ZER1: variants seen among roughly 807,000 people sequenced by gnomAD.
The protein encoded by ZER1 is zyg-11 related cell cycle regulator.
ZER1 carries 11 observed loss-of-function variants against 78.8 expected under a neutral mutation model. The ratio of observed to expected loss-of-function variants is 0.14; its 90% CI spans 0.09 to 0.23. ZER1 has a LOEUF of 0.23. ZER1 is among the 10% of genes least tolerant of loss of function. The pLI is 1.00. For synonymous variants in ZER1, 400 were observed against 407.0 expected, an observed-to-expected ratio of 0.98 and a Z score of 0.21; for missense variants, 588 against 996.9, an observed-to-expected ratio of 0.59 and a Z score of 5.52.
chr9:128,762,702 C>T (rs926403827), intron 1 of ZER1, among the ~76,000 whole-genome samples: 6 of 152,166 alleles, frequency 3.9e-5, no homozygotes, highest in Admixed American at 1.3e-4. Flanking sequence ...CTCCCAGCTC[C>T]GGGCCTGTGC....
rs2132415432 is a variant in ZER1 at position 128,742,575 on chromosome 9, T to C, written c.1530A>G (p.Val510=). 6.2e-7 allele frequency: 1 copy of C among 1,614,222 alleles called. No individual in the cohort carries two copies. Among genetic ancestry groups the C allele is most frequent in the South Asian group, 1.1e-5 (1 of 91,090 alleles). Residue 510 remains valine (V), a synonymous_variant, in exon 9 of 16, where the codon GTA becomes GTG. Transcript: ENST00000291900. Reference sequence around the variant, plus strand: ...CCACGGCCTCCTTGTGGTCGTTGTCTACCTGGCAGACCAGGGCATTGCACA... The same window carrying C: ...CCACGGCCTCCTTGTGGTCGTTGTCCACCTGGCAGACCAGGGCATTGCACA... ...VHLCNALVCQ[V]DNDHKEAVGK...
Position 128,750,648 on chromosome 9 carries a change from G to T in ZER1, c.1327C>A (p.Leu443Met), listed in dbSNP as rs771631005. Residue 443 changes from leucine (L) to methionine (M), a missense_variant, in exon 8 of 16, where the codon CTG becomes ATG. Physicochemically the swap from Leu to Met is conservative, Grantham distance 15. Coordinates refer to ENST00000291900, the MANE Select transcript of ZER1 (RefSeq NM_006336.4). ...TCCTGGTAGGATTCCATGCCATTCA[G>T]CACCACCTGGATAACCTGCCGGCGC... The part of the protein sequence containing the change: ...KLRRQVIQVV[L>M]NGMESYQEVT... The T allele has an allele frequency of 6.2e-7, 1 of 1,614,092 alleles. No homozygotes were observed. Among genetic ancestry groups the T allele is most frequent in the Non-Finnish European group, 8.5e-7 (1 of 1,180,042 alleles).
At position 128,731,171 on chromosome 9, in the gene ZER1, A is replaced by G; in HGVS notation, c.*166T>C. On this transcript the variant is annotated 3_prime_UTR_variant, in exon 16 of 16. Transcript: ENST00000291900. ...AAAAAAATATATATATATAATATAT[A>G]TATATCTCACTAACATTAAGGAAAA... The G allele has an allele frequency of 2.7e-6, 1 of 364,686 alleles. No homozygotes were observed. The allele number at this position is 364,686 out of a possible 1,614,324, so 22.6% of individuals were successfully genotyped here.
intron 1 of ZER1, among the ~76,000 whole-genome samples, chr9:128,758,869 G>C (rs1007794193): frequency 2.6e-5 from 4 of 152,162 alleles, no homozygotes; most frequent in Admixed American, 6.6e-5. Flanking sequence ...CCGGGGAGGT[G>C]ATTGGAAGGG....
rs749017137 is a variant in ZER1 at position 128,755,381 on chromosome 9, C to A, written c.158+27G>T. ...ATACACATTCATGGTAAGACCCCTG[C>A]CCCTCCTCAGCCCTGGGTCTGCTCA... On this transcript the variant is annotated intron_variant, in intron 2 of 15. Transcript: ENST00000291900. This position sits in a 1 kb window ranked among gnomAD's most constrained non-coding sequence, Gnocchi z 5.6. The A allele has an allele frequency of 3.7e-6, 6 of 1,612,530 alleles. No homozygotes were observed. The African/African-American group carries it at 8.0e-5, about 22-fold the overall frequency.
intron 1 of ZER1, among the ~76,000 whole-genome samples, chr9:128,764,191 C>T (rs550055762): frequency 2.0e-5 from 3 of 152,232 alleles, no homozygotes; most frequent in African/African-American, 7.2e-5. Context: ...ACTGAACACT[C>T]AATGTGGGGC....
chr9:128,748,423 A>T (rs1863569146), intron 8 of ZER1, among the ~76,000 whole-genome samples: 1 of 130,930 alleles, frequency 7.6e-6, no homozygotes, highest in Non-Finnish European at 1.6e-5. Flanking sequence ...AAAAAAAATT[A>T]GTTGGGTGTG....
Position 128,753,850 on chromosome 9 carries a change from C to T in ZER1, c.268G>A (p.Asp90Asn). 4 of 1,603,242 alleles carry T rather than the reference C, an allele frequency of 2.5e-6. No individual in the cohort carries two copies. Among genetic ancestry groups the T allele is most frequent in the East Asian group, 2.3e-5 (1 of 44,440 alleles). The part of the protein sequence containing the change: ...TRLTRIHLRE[D>N]LVQDQDLEAI... The stretch of plus-strand genomic sequence containing the variant: ...TCCAGGTCCTGGTCCTGCACCAGGT[C>T]CTCACGGAGGTGGATCCGCGTGAGG... Residue 90 changes from aspartate to asparagine, a missense_variant, in exon 3 of 16, where the codon GAC becomes AAC. By Grantham distance (23) the Asp-to-Asn change is conservative. Transcript: ENST00000291900. The surrounding 1 kb of genome is among the most constrained non-coding windows in gnomAD (Gnocchi z 7.5).
intron 8 of ZER1, among the ~76,000 whole-genome samples, chr9:128,747,066 G>T (rs1043952939): frequency 6.6e-6 from 1 of 151,958 alleles, no homozygotes; most frequent in Non-Finnish European, 1.5e-5. Flanking sequence ...AGGCGTGGTG[G>T]CATGCTCCTG....
chr9:128,754,579 C>A lies in ZER1; in HGVS notation c.159-620G>T, dbSNP rs1028694979. Among the ~76,000 whole-genome samples, 1 of 152,158 alleles carries A rather than the reference C, an allele frequency of 6.6e-6. No homozygotes were observed. The highest frequency in any genetic ancestry group is 2.1e-4 in the South Asian group (1 of 4,828). ...CAAAGTGTCCAACCTAAAGCCTGAC[C>A]CACGGTAAATGCTCAGGACGTTATT... On this transcript the variant is annotated intron_variant, in intron 2 of 15. Transcript: ENST00000291900. The surrounding 1 kb of genome is among the most constrained non-coding windows in gnomAD (Gnocchi z 4.3).
chr9:128,769,754 G>C (rs1864326245), intron 1 of ZER1, among the ~76,000 whole-genome samples: 1 of 152,048 alleles, frequency 6.6e-6, no homozygotes, highest in African/African-American at 2.4e-5. Flanking sequence ...AAGGTCCCGT[G>C]CCCACCTTCT....
intron 13 of ZER1, among the ~76,000 whole-genome samples, chr9:128,739,723 T>C (rs1319943532): frequency 6.6e-6 from 1 of 152,032 alleles, no homozygotes; most frequent in Non-Finnish European, 1.5e-5. Context: ...TTGGCATGTA[T>C]GACAAATGCT....
chr9:128,739,850 C>A, intron 13 of ZER1, 81 bp downstream of exon 13: 1 of 1,507,902 alleles, frequency 6.6e-7, no homozygotes, highest in Non-Finnish European at 9.0e-7. Flanking sequence ...GAGCTCTGAG[C>A]AGACCTTAAT....
chr9:128,746,985 TAGG>T (rs542250690), intron 8 of ZER1, among the ~76,000 whole-genome samples: 65 of 151,998 alleles, frequency 4.3e-4, no homozygotes, highest in African/African-American at 1.5e-3. Context: ...CACTTGAGGC[TAGG>T]AGGAGTTCCA....
chr9:128,742,584 G>A lies in ZER1; in HGVS notation c.1521C>T (p.Val507=). Residue 507 remains valine, a synonymous_variant, in exon 9 of 16, where the codon GTC becomes GTT. Transcript: ENST00000291900. ...CCTTGTGGTCGTTGTCTACCTGGCA[G>A]ACCAGGGCATTGCACAGGTGCACGG... ...RIAVHLCNAL[V]CQVDNDHKEA... is the part of the protein sequence containing the mutation. The A allele has an allele frequency of 6.2e-7, 1 of 1,614,244 alleles. No homozygotes were observed. The highest frequency in any genetic ancestry group is 1.1e-5 in the South Asian group (1 of 91,088).
At chr9:128,769,167 T>C (rs1864307826) in intron 1 of ZER1, among the ~76,000 whole-genome samples, 1 of 152,204 alleles carries the variant, frequency 6.6e-6, no homozygotes. Flanking sequence ...GTTTCTGTCT[T>C]GCTTTCCCCA....
At position 128,755,322 on chromosome 9, in the gene ZER1, C is replaced by A; in HGVS notation, c.158+86G>T. The A allele has an allele frequency of 1.3e-6, 2 of 1,557,022 alleles. No individual in the cohort carries two copies. The highest frequency in any genetic ancestry group is 1.8e-6 in the Non-Finnish European group (2 of 1,137,894). ...TCACACATTCATCTCCATAGCTACT[C>A]CCCACATAGTGCACACACGGTCCCA... is the stretch of plus-strand genomic sequence containing the variant. On this transcript the variant is annotated intron_variant, in intron 2 of 15. Coordinates refer to ENST00000291900, the MANE Select transcript of ZER1 (RefSeq NM_006336.4). This position sits in a 1 kb window ranked among gnomAD's most constrained non-coding sequence, Gnocchi z 5.6.
In ZER1 at chr9:128,751,019, C is replaced by T; in HGVS notation, c.1185+103G>A. 2.0e-6 allele frequency: 3 copies of T among 1,475,554 alleles called. No homozygotes were observed. The highest frequency in any genetic ancestry group is 2.7e-6 in the Non-Finnish European group (3 of 1,113,700). 91.4% of individuals were successfully genotyped at this position (1,475,554 alleles called of 1,614,324 possible). A position where few individuals can be genotyped will look rare whatever the true frequency, so the allele number is the denominator to read the frequency against. Reference sequence around the variant, plus strand: ...GGTTCGGGTCCTGGGGCCCTGGGGACAGGGTGCAGAAGGACACAGGCTCTG... The same window carrying T: ...GGTTCGGGTCCTGGGGCCCTGGGGATAGGGTGCAGAAGGACACAGGCTCTG... On this transcript the variant is annotated intron_variant, in intron 7 of 15. Transcript: ENST00000291900. This position sits in a 1 kb window ranked among gnomAD's most constrained non-coding sequence, Gnocchi z 5.4.
chr9:128,736,278 G>T (rs550766648), intron 13 of ZER1, among the ~76,000 whole-genome samples: 1 of 152,176 alleles, frequency 6.6e-6, no homozygotes, highest in East Asian at 1.9e-4. Context: ...TAGAGACAGG[G>T]TTTCACTATG....
Sources: allele counts gnomAD v4.1 joint callset (sites outside exome capture counted in the v4.1 genomes callset), GRCh38; gene constraint gnomAD v4.1.1; non-coding constraint Gnocchi (gnomAD v3.1); transcripts MANE v1.5; gene names NCBI Gene and HGNC (gene_info 2026-07-23, HGNC 2026-07-21).